Variants in VPS13B observed in about 807,000 individuals in gnomAD.
VPS13B encodes the protein vacuolar protein sorting 13 homolog B, also known as intermembrane lipid transfer protein VPS13B.
Under a neutral mutation model 426.4 loss-of-function variants are expected in VPS13B, and 285 were observed. The ratio of observed to expected loss-of-function variants is 0.67; its 90% CI spans 0.61 to 0.74. The LOEUF (loss-of-function observed/expected upper bound fraction) is 0.74, where lower values mean the gene tolerates loss of function less well. Among genes scored for constraint, VPS13B ranks in the 30% least tolerant of loss-of-function variants. The pLI is 0.00. For missense variants in VPS13B, 4,537 were observed against 4,782.6 expected (o/e 0.95, Z 1.51); for synonymous variants, 1,676 against 1,676.4 (o/e 1.00, Z 0.01).
intron 50 of VPS13B, among the ~76,000 whole-genome samples, chr8:99,821,850 G>A (rs1257451727): frequency 6.6e-6 from 1 of 152,144 alleles, no homozygotes; most frequent in Non-Finnish European, 1.5e-5. Flanking sequence ...AGAGTGAAAG[G>A]ACAAAGGCTC....
intron 17 of VPS13B, among the ~76,000 whole-genome samples, chr8:99,213,287 A>T (rs927713555): frequency 4.6e-5 from 7 of 152,156 alleles, no homozygotes; most frequent in Non-Finnish European, 8.8e-5. Flanking sequence ...ACCTAATTCT[A>T]ATAAAAATTT....
chr8:99,819,776 C>G, intron 48 of VPS13B, 145 bp from the exon 49 acceptor site: 2 of 1,267,574 alleles, frequency 1.6e-6, no homozygotes, highest in Non-Finnish European at 2.2e-6. Flanking sequence ...GTTGCTTTCT[C>G]CTGCATGCAA....
Position 99,042,746 on chromosome 8 carries a change from C to T in VPS13B, c.291+4180C>T, listed in dbSNP as rs145028962. ...AAGTGACCCTCCTGCCTTGGCCTCC[C>T]AAATTGCTGGAATTACAATCAAGAG... On this transcript the variant is annotated intron_variant, in intron 3 of 61. Transcript: ENST00000357162. Among the ~76,000 whole-genome samples the T allele has an allele frequency of 7.2e-5, 11 of 152,126 alleles. No homozygotes were observed. The East Asian group carries it at 2.1e-3, about 29-fold the overall frequency.
At chr8:99,456,283 C>G (rs953219874) in intron 23 of VPS13B, among the ~76,000 whole-genome samples, 1 of 152,138 alleles carries the variant, frequency 6.6e-6, no homozygotes, top group African/African-American at 2.4e-5. Flanking sequence ...ATTCTCGTGC[C>G]TCAGCCTCCT....
rs180695910 is a variant in VPS13B at position 99,260,780 on chromosome 8, A to G, written c.2516-13418A>G. 7.2e-5 allele frequency among the ~76,000 whole-genome samples: 11 copies of G among 152,124 alleles called. No homozygotes were observed. In the East Asian group the frequency reaches 2.1e-3, roughly 29 times the overall value. On this transcript the variant is annotated intron_variant, in intron 17 of 61. Coordinates refer to ENST00000357162, the MANE Select transcript of VPS13B (RefSeq NM_152564.5). ...TTACAAGTTCCTCAGTATTCTGAAG[A>G]ACCAAACTCTGTCCCCTTCCAAATA...
intron 3 of VPS13B, among the ~76,000 whole-genome samples, chr8:99,073,087 T>C (rs935903394): frequency 1.3e-5 from 2 of 152,190 alleles, no homozygotes; most frequent in East Asian, 3.9e-4. Context: ...AAGTCCTCTT[T>C]ACCCTTCCTC....
At chr8:99,310,500 C>A (rs868689305) in intron 19 of VPS13B, among the ~76,000 whole-genome samples, 12 of 151,992 alleles carry the variant, frequency 7.9e-5, no homozygotes, top group Non-Finnish European at 1.5e-5. Context: ...TATTGATTTG[C>A]GTATGTTGAA....
intron 31 of VPS13B, among the ~76,000 whole-genome samples, chr8:99,558,144 C>T (rs546175668): frequency 3.3e-5 from 5 of 152,170 alleles, no homozygotes; most frequent in South Asian, 2.1e-4. Context: ...GATTATGCAA[C>T]GCTTATCACT....
chr8:99,080,380 T>C (rs998736953), intron 3 of VPS13B, among the ~76,000 whole-genome samples: 12 of 152,186 alleles, frequency 7.9e-5, no homozygotes, highest in African/African-American at 2.9e-4. Context: ...ATTTTAAACC[T>C]TTATTTTTTA....
chr8:99,789,710 A>C (rs528630102), intron 43 of VPS13B, among the ~76,000 whole-genome samples: 8 of 152,254 alleles, frequency 5.3e-5, no homozygotes, highest in African/African-American at 1.7e-4. Flanking sequence ...AGACTATCTT[A>C]TAGATATTTT....
chr8:99,348,155 ATTTTC>A (rs1811647675), intron 19 of VPS13B: 1 of 152,150 alleles, frequency 6.6e-6, no homozygotes, highest in Non-Finnish European at 1.5e-5. Context: ...AACACTGTTA[ATTTTC>A]TTTTCTAGGA....
At chr8:99,439,389 T>A (rs184969972) in intron 22 of VPS13B, among the ~76,000 whole-genome samples, 180 of 152,270 alleles carry the variant, frequency 1.2e-3, no homozygotes, top group Non-Finnish European at 1.8e-3. Context: ...TGTTTTAAGC[T>A]TTTTTAGGGC....
intron 51 of VPS13B, among the ~76,000 whole-genome samples, chr8:99,824,211 C>T (rs1040332469): frequency 1.3e-5 from 2 of 152,168 alleles, no homozygotes; most frequent in Non-Finnish European, 2.9e-5. Context: ...TGGATTAGTC[C>T]TGCCTGTGCC....
chr8:99,496,460 G>A (rs934467612), intron 25 of VPS13B, among the ~76,000 whole-genome samples: 2 of 152,074 alleles, frequency 1.3e-5, no homozygotes, highest in South Asian at 2.1e-4. Context: ...GACCATCCTG[G>A]CTAACACAGT....
chr8:99,499,753 T>C (rs1821128893), intron 25 of VPS13B, among the ~76,000 whole-genome samples: 1 of 152,154 alleles, frequency 6.6e-6, no homozygotes, highest in South Asian at 2.1e-4. Context: ...CTTTGCTTGG[T>C]GTATTTGGGA....
At chr8:99,487,060 C>T (rs1014336701) in intron 25 of VPS13B, among the ~76,000 whole-genome samples, 1 of 150,916 alleles carries the variant, frequency 6.6e-6, no homozygotes, top group Non-Finnish European at 1.5e-5. Flanking sequence ...AGACTTCATT[C>T]TCCACTTCCT....
At chr8:99,261,934 A>G (rs913585116) in intron 17 of VPS13B, among the ~76,000 whole-genome samples, 2 of 152,182 alleles carry the variant, frequency 1.3e-5, no homozygotes, top group African/African-American at 4.8e-5. Context: ...TTTAAAAATC[A>G]TTCTGTCACT....
chr8:99,600,360 G>C (rs1827228134), intron 33 of VPS13B, among the ~76,000 whole-genome samples: 2 of 152,134 alleles, frequency 1.3e-5, no homozygotes, highest in East Asian at 1.9e-4. Context: ...CACCCCACTT[G>C]AGAATATATT....
At chr8:99,723,432 T>C (rs1420908088) in intron 39 of VPS13B, among the ~76,000 whole-genome samples, 1 of 152,196 alleles carries the variant, frequency 6.6e-6, no homozygotes, top group East Asian at 1.9e-4. Flanking sequence ...AGATTTTGAA[T>C]TTATGGATTA....
Sources: allele counts gnomAD v4.1 joint callset (sites outside exome capture counted in the v4.1 genomes callset), GRCh38; gene constraint gnomAD v4.1.1; transcripts MANE v1.5; gene names NCBI Gene and HGNC (gene_info 2026-07-23, HGNC 2026-07-21).